CHP1: variants seen among roughly 807,000 people sequenced by gnomAD.
The protein encoded by CHP1 is calcineurin like EF-hand protein 1, also known as calcineurin B homologous protein 1.
In CHP1, 11 loss-of-function variants were observed where a neutral mutation model predicts 27.4. That is an observed-to-expected ratio of 0.40 (90% CI 0.25 to 0.67). The LOEUF is 0.67. CHP1 is among the 30% of genes least tolerant of loss of function. The pLI, the probability that CHP1 is intolerant of heterozygous loss-of-function variation, is 0.38. For synonymous variants in CHP1, 89 were observed against 87.4 expected, an observed-to-expected ratio of 1.02 and a Z score of -0.10; for missense variants, 169 against 251.3, an observed-to-expected ratio of 0.67 and a Z score of 2.22.
intron 3 of CHP1, among the ~76,000 whole-genome samples, chr15:41,258,573 C>T (rs747491531): frequency 2.0e-4 from 30 of 152,148 alleles, no homozygotes; most frequent in Non-Finnish European, 3.1e-4. Context: ...GTTCTCACCA[C>T]ATATGCTTTG....
chr15:41,266,769 A>T (rs577241096), intron 4 of CHP1, among the ~76,000 whole-genome samples: 1 of 152,200 alleles, frequency 6.6e-6, no homozygotes, highest in Non-Finnish European at 1.5e-5. Flanking sequence ...TGGGAGGCCA[A>T]GGTGGGTGAA....
chr15:41,267,344 T>G (rs1283119272), intron 4 of CHP1, among the ~76,000 whole-genome samples: 2 of 151,966 alleles, frequency 1.3e-5, no homozygotes, highest in Non-Finnish European at 2.9e-5. Flanking sequence ...ATGATACATT[T>G]TATGTATATT....
At chr15:41,263,596 T>A (rs1300315934) in intron 4 of CHP1, among the ~76,000 whole-genome samples, 1 of 152,230 alleles carries the variant, frequency 6.6e-6, no homozygotes, top group African/African-American at 2.4e-5. Flanking sequence ...GACTGAAGGC[T>A]GGGCGCAGTG....
rs2047534982 is a variant in CHP1, at chr15:41,279,397, C to CA, written c.*11dup. 1.2e-6 allele frequency: 2 copies of CA among 1,610,784 alleles called. No homozygotes were observed. Among genetic ancestry groups the CA allele is most frequent in the Non-Finnish European group, 8.5e-7 (1 of 1,178,388 alleles). ...ATCCGATTTCTTCACTAAAGGAGAC[C>CA]AAACTGTTCCTTGCGGTCTAGTATT... On this transcript the variant is annotated 3_prime_UTR_variant, in exon 7 of 7. Coordinates refer to ENST00000334660, the MANE Select transcript of CHP1 (RefSeq NM_007236.5).
At chr15:41,242,580 C>T (rs2047312191) in intron 1 of CHP1, among the ~76,000 whole-genome samples, 1 of 151,654 alleles carries the variant, frequency 6.6e-6, no homozygotes, top group African/African-American at 2.4e-5. Flanking sequence ...GATTGTACCA[C>T]TGCACTCCAG....
intron 1 of CHP1, among the ~76,000 whole-genome samples, chr15:41,240,083 C>T (rs1295564008): frequency 6.6e-6 from 1 of 152,142 alleles, no homozygotes; most frequent in Non-Finnish European, 1.5e-5. Context: ...CCACCACGCC[C>T]AGCCTCAGTG....
chr15:41,251,251 A>G (rs1167471901), intron 2 of CHP1, among the ~76,000 whole-genome samples: 2 of 152,196 alleles, frequency 1.3e-5, no homozygotes, highest in Non-Finnish European at 2.9e-5. Flanking sequence ...CCAGATGAAG[A>G]AACTGATTAT....
chr15:41,255,740 C>T (rs11856169), intron 2 of CHP1, among the ~76,000 whole-genome samples: 32,249 of 149,402 alleles, frequency 0.22, 3,764 homozygotes, highest in Non-Finnish European at 0.27. Context: ...GGCTGGGCAC[C>T]GTGGCTCACT....
chr15:41,254,168 A>G (rs2047386700), intron 2 of CHP1, among the ~76,000 whole-genome samples: 1 of 152,126 alleles, frequency 6.6e-6, no homozygotes, highest in Non-Finnish European at 1.5e-5. Context: ...TATATATACA[A>G]TCTAAATTCT....
intron 2 of CHP1, among the ~76,000 whole-genome samples, chr15:41,248,254 T>G (rs2047346514): frequency 6.6e-6 from 1 of 152,000 alleles, no homozygotes; most frequent in Non-Finnish European, 1.5e-5. Flanking sequence ...GCTCAGACAG[T>G]TCTCCCACCT....
At chr15:41,273,056 CA>C (rs763646594) in intron 5 of CHP1, among the ~76,000 whole-genome samples, 5 of 141,368 alleles carry the variant, frequency 3.5e-5, no homozygotes, top group Non-Finnish European at 3.1e-5. Context: ...GACTCCGTCT[CA>C]AAAAAAAAAG....
chr15:41,249,541 C>T (rs560729511), intron 2 of CHP1, among the ~76,000 whole-genome samples: 2 of 139,188 alleles, frequency 1.4e-5, no homozygotes, highest in South Asian at 4.8e-4. Context: ...GGCACGATCT[C>T]GGCTCACTGC....
At chr15:41,255,187 C>T (rs2047392464) in intron 2 of CHP1, among the ~76,000 whole-genome samples, 1 of 151,916 alleles carries the variant, frequency 6.6e-6, no homozygotes, top group African/African-American at 2.4e-5. Flanking sequence ...CAGTTTTTTT[C>T]CTAGTCCGGG....
chr15:41,257,915 A>G (rs2047408807), intron 3 of CHP1, among the ~76,000 whole-genome samples: 1 of 152,208 alleles, frequency 6.6e-6, no homozygotes, highest in African/African-American at 2.4e-5. Flanking sequence ...ACTTAAACAC[A>G]TATCAAGTCA....
intron 2 of CHP1, among the ~76,000 whole-genome samples, chr15:41,244,688 G>A (rs1363255061): frequency 6.6e-6 from 1 of 152,088 alleles, no homozygotes; most frequent in Non-Finnish European, 1.5e-5. Context: ...TCTAGATGTC[G>A]GTAGTGCCAA....
chr15:41,234,938 G>C (rs949946890), intron 1 of CHP1, among the ~76,000 whole-genome samples: 5 of 152,160 alleles, frequency 3.3e-5, no homozygotes, highest in African/African-American at 1.2e-4. Flanking sequence ...TAGGAATTAA[G>C]TACAGATGTT....
intron 1 of CHP1, among the ~76,000 whole-genome samples, chr15:41,242,593 T>G (rs376082061): frequency 2.6e-5 from 4 of 151,932 alleles, no homozygotes; most frequent in African/African-American, 7.3e-5. Context: ...CACTCCAGCC[T>G]GGGCGACAAA....
chr15:41,270,020 A>G (rs28626792), intron 4 of CHP1, among the ~76,000 whole-genome samples: 58,389 of 151,968 alleles, frequency 0.38, 12,200 homozygotes, highest in African/African-American at 0.56. Context: ...AACATGATAA[A>G]GCCAGGAGAC....
At chr15:41,265,665 T>G (rs1033910482) in intron 4 of CHP1, among the ~76,000 whole-genome samples, 1 of 150,022 alleles carries the variant, frequency 6.7e-6, no homozygotes, top group African/African-American at 2.5e-5. Flanking sequence ...TAGCCGAGAT[T>G]GCACCATTAC....
Sources: allele counts gnomAD v4.1 joint callset (sites outside exome capture counted in the v4.1 genomes callset), GRCh38; gene constraint gnomAD v4.1.1; transcripts MANE v1.5; gene names NCBI Gene and HGNC (gene_info 2026-07-23, HGNC 2026-07-21).